SPEG: variants seen among roughly 807,000 people sequenced by gnomAD.
The protein encoded by SPEG is striated muscle preferentially expressed protein kinase.
SPEG carries 114 observed loss-of-function variants against 300.4 expected under a neutral mutation model. That is an observed-to-expected ratio of 0.38 (90% CI 0.33 to 0.44). The LOEUF is 0.44. SPEG is among the 20% of genes least tolerant of loss of function. The probability of loss-of-function intolerance (pLI) is 1.00; values close to 1 mark genes in which losing one functional copy is unlikely to be tolerated. For missense variants in SPEG, 4,201 were observed against 4,586.2 expected (o/e 0.92, Z 2.43); for synonymous variants, 1,964 against 2,018.9 (o/e 0.97, Z 0.73).
chr2:219,474,700 A>C (rs548270087), intron 18 of SPEG, among the ~76,000 whole-genome samples: 25 of 152,280 alleles, frequency 1.6e-4, no homozygotes, highest in Admixed American at 1.4e-3. Context: ...CCATGGGCAC[A>C]TCTTATCACC....
chr2:219,465,979 ATGTG>A lies in SPEG; in HGVS notation c.2882-1186_2882-1183del, dbSNP rs943030941. ...TGTGCGTGTGCATGCGTGTGTGTGC[ATGTG>A]TGTGTGTGCGCGTGCGTGCGCGTAT... On this transcript the variant is annotated intron_variant, in intron 9 of 40. Coordinates refer to ENST00000312358, the MANE Select transcript of SPEG (RefSeq NM_005876.5). 11 of 1,244,998 alleles carry A rather than the reference ATGTG, an allele frequency of 8.8e-6. No individual in the cohort carries two copies. In the African/African-American group the frequency reaches 1.5e-4, roughly 17 times the overall value. 77.1% of individuals were successfully genotyped at this position (1,244,998 alleles called of 1,614,324 possible). A position where few individuals can be genotyped will look rare whatever the true frequency, so the allele number is the denominator to read the frequency against.
In SPEG at chr2:219,485,000, G is replaced by A. The variant is rs1447657635; in HGVS notation, c.7537G>A (p.Ala2513Thr). The change falls in exon 30 of 41, where the codon GCC becomes ACC. Residue 2513 changes from alanine (A) to threonine (T), a missense_variant. By Grantham distance (58) the Ala-to-Thr change is moderately conservative. Coordinates refer to ENST00000312358, the MANE Select transcript of SPEG (RefSeq NM_005876.5). Reference sequence around the variant, plus strand: ...TGGCCTTCCGCACAACCAGTTGGCCGCCCAGGCCGGCGCCACCACGCCTTC... The same window carrying A: ...TGGCCTTCCGCACAACCAGTTGGCCACCCAGGCCGGCGCCACCACGCCTTC... ...RLGLPHNQLA[A>T]QAGATTPSAE... The A allele has an allele frequency of 5.2e-6, 8 of 1,531,194 alleles. No individual in the cohort carries two copies. The East Asian group carries it at 2.0e-4, about 38-fold the overall frequency. 94.9% of individuals were successfully genotyped at this position (1,531,194 alleles called of 1,614,324 possible). A position where few individuals can be genotyped will look rare whatever the true frequency, so the allele number is the denominator to read the frequency against.
At position 219,483,530 on chromosome 2, in the gene SPEG, G is replaced by T. The variant is rs770269062; in HGVS notation, c.6067G>T (p.Ala2023Ser). ...CTCGGCTGAGAGCGCCCTGCCCCGG[G>T]CCGGGCCGCGGGAGCTGGGCCGGGG... ...GSSAESALPRAGPRELGRGLH... is the reference protein window; with the variant it reads ...GSSAESALPRSGPRELGRGLH... Residue 2023 changes from alanine to serine, a missense_variant, in exon 30 of 41, where the codon GCC (alanine) becomes TCC (serine). Transcript: ENST00000312358. 6.4e-6 allele frequency: 9 copies of T among 1,406,170 alleles called. No homozygotes were observed. The South Asian group carries it at 1.1e-4, about 17-fold the overall frequency. The allele number at this position is 1,406,170 out of a possible 1,614,324, so 87.1% of individuals were successfully genotyped here.
intron 14 of SPEG, 89 bp downstream of exon 14, chr2:219,472,076 T>A: frequency 1.3e-6 from 2 of 1,550,682 alleles, no homozygotes; most frequent in Non-Finnish European, 1.7e-6. Context: ...TCCACCCAGC[T>A]CCCTTCCCCT....
chr2:219,448,420 C>CGGCGCCCCTGCGGCCCTG lies in SPEG; in HGVS notation c.1265_1282dup (p.Ala422_Trp427dup), dbSNP rs1473209135. The CGGCGCCCCTGCGGCCCTG allele has an allele frequency of 5.2e-6, 8 of 1,523,874 alleles. No homozygotes were observed. The highest frequency in any genetic ancestry group is 7.0e-6 in the Non-Finnish European group (8 of 1,141,662). The allele number at this position is 1,523,874 out of a possible 1,614,324, so 94.4% of individuals were successfully genotyped here. A position where few individuals can be genotyped will look rare whatever the true frequency, so the allele number is the denominator to read the frequency against. ...AGCCTGGAGCGCAGCGACTCGCCGC[C>CGGCGCCCCTGCGGCCCTG]GGCGCCCCTGCGGCCCTGGGTGCCC... On this transcript the variant is annotated inframe_insertion, in exon 4 of 41. Transcript: ENST00000312358.
In SPEG at chr2:219,476,934, T is replaced by G; in HGVS notation, c.4512T>G (p.Phe1504Leu). 6.2e-7 allele frequency: 1 copy of G among 1,612,788 alleles called. No homozygotes were observed. The highest frequency in any genetic ancestry group is 8.5e-7 in the Non-Finnish European group (1 of 1,179,570). Reference protein sequence around the residue: ...VEVGAGETARFAVVVEGKPLP... With the variant: ...VEVGAGETARLAVVVEGKPLP... ...TGGGGGCTGGGGAAACTGCTCGCTTTGCGGTGGTGGTCGAGGGAAAACCAC... is the reference window on the plus strand; with the variant it reads ...TGGGGGCTGGGGAAACTGCTCGCTTGGCGGTGGTGGTCGAGGGAAAACCAC... The change falls in exon 19 of 41, where the codon TTT becomes TTG. Residue 1504 changes from phenylalanine (F) to leucine (L), a missense_variant. Coordinates refer to ENST00000312358, the MANE Select transcript of SPEG (RefSeq NM_005876.5).
At position 219,484,679 on chromosome 2, in the gene SPEG, G is replaced by C. The variant is rs1369927493; in HGVS notation, c.7216G>C (p.Val2406Leu). ...CAGGGCTGTCGGAGAGCCTGGCCTC[G>C]TCCGCCGCCTCTCGCTGTCACTGTC... is the stretch of plus-strand genomic sequence containing the variant. ...DLRAVGEPGL[V>L]RRLSLSLSQR... Residue 2406 changes from valine to leucine, a missense_variant, in exon 30 of 41, where the codon GTC (valine) becomes CTC (leucine). Physicochemically the swap from Val to Leu is conservative, Grantham distance 32. Coordinates refer to ENST00000312358, the MANE Select transcript of SPEG (RefSeq NM_005876.5). 6.6e-7 allele frequency: 1 copy of C among 1,519,772 alleles called. No homozygotes were observed. Among genetic ancestry groups the C allele is most frequent in the Non-Finnish European group, 8.8e-7 (1 of 1,141,856 alleles). 94.1% of individuals were successfully genotyped at this position (1,519,772 alleles called of 1,614,324 possible).
rs941784950 is a variant in SPEG at position 219,451,903 on chromosome 2, G to A, written c.2440+96G>A. The A allele has an allele frequency of 8.5e-6, 11 of 1,297,484 alleles. No homozygotes were observed. The African/African-American group carries it at 1.5e-4, about 18-fold the overall frequency. 80.4% of individuals were successfully genotyped at this position (1,297,484 alleles called of 1,614,324 possible). ...CACCTCCCTTCCCACTCTCAGCCTT[G>A]AGCTTGGGCACCCCGCCAGCATACT... On this transcript the variant is annotated intron_variant, in intron 6 of 40. Transcript: ENST00000312358. This position sits in a 1 kb window ranked among gnomAD's most constrained non-coding sequence, Gnocchi z 6.4.
At position 219,488,875 on chromosome 2, in the gene SPEG, G is replaced by A. The variant is rs374304716; in HGVS notation, c.8124G>A (p.Thr2708=). 4.2e-5 allele frequency: 66 copies of A among 1,586,096 alleles called. No individual in the cohort carries two copies. In the Middle Eastern group the frequency reaches 1.2e-3, roughly 29 times the overall value. Residue 2708 remains threonine, a synonymous_variant, in exon 34 of 41, where the codon ACG becomes ACA. Transcript: ENST00000312358. ...WKPGDSRAPC[T]YTLERRVDGE... Reference sequence around the variant, plus strand: ...CGGGAGACAGCCGGGCACCTTGCACGTATACGCTGGAGCGGCGAGTGGATG... The same window carrying A: ...CGGGAGACAGCCGGGCACCTTGCACATATACGCTGGAGCGGCGAGTGGATG...
Position 219,479,171 on chromosome 2 carries a change from C to T in SPEG, c.5055C>T (p.Ile1685=), listed in dbSNP as rs151167400. The change falls in exon 23 of 41, where the codon ATC becomes ATT. Residue 1685 remains isoleucine, a synonymous_variant. Transcript: ENST00000312358. The surrounding 1 kb of genome is among the most constrained non-coding windows in gnomAD (Gnocchi z 5.5). The stretch of plus-strand genomic sequence containing the variant: ...GCACAGAGGAGCTGCTGGAGCGAAT[C>T]GCCAGGAAACCCACCGTGTGTGAGT... The part of the protein sequence containing the change: ...ELCTEELLER[I]ARKPTVCESE... 563 of 1,613,626 alleles carry T rather than the reference C, an allele frequency of 3.5e-4. No homozygotes were observed. Among genetic ancestry groups the T allele is most frequent in the Middle Eastern group, 4.9e-4 (3 of 6,062 alleles).
Position 219,451,811 on chromosome 2 carries a change from G to A in SPEG, c.2440+4G>A, listed in dbSNP as rs1307494948. 6.5e-7 allele frequency: 1 copy of A among 1,532,226 alleles called. No homozygotes were observed. The highest frequency in any genetic ancestry group is 1.2e-5 in the South Asian group (1 of 81,434). 94.9% of individuals were successfully genotyped at this position (1,532,226 alleles called of 1,614,324 possible). A position where few individuals can be genotyped will look rare whatever the true frequency, so the allele number is the denominator to read the frequency against. Reference sequence around the variant, plus strand: ...GCCTCACTGACCGTGAGACCCGGTAGGGAGCCCATCAACCCTGGGGCTGGG... The same window carrying A: ...GCCTCACTGACCGTGAGACCCGGTAAGGAGCCCATCAACCCTGGGGCTGGG... On this transcript the variant is annotated splice_donor_region_variant and intron_variant, in intron 6 of 40. Transcript: ENST00000312358. The surrounding 1 kb of genome is among the most constrained non-coding windows in gnomAD (Gnocchi z 6.4).
chr2:219,479,925 T>C lies in SPEG; in HGVS notation c.5164-37T>C. ...CCAGGAGGTGAAGCATCCTTCCTTG[T>C]TCATTTGGCCCGCACACCTCGCCTT... On this transcript the variant is annotated intron_variant, in intron 24 of 40. Transcript: ENST00000312358. The surrounding 1 kb of genome is among the most constrained non-coding windows in gnomAD (Gnocchi z 5.5). The C allele has an allele frequency of 6.2e-7, 1 of 1,614,100 alleles. No individual in the cohort carries two copies. The highest frequency in any genetic ancestry group is 8.5e-7 in the Non-Finnish European group (1 of 1,179,988).
At position 219,478,109 on chromosome 2, in the gene SPEG, T is replaced by G; in HGVS notation, c.5027+4T>G. On this transcript the variant is annotated splice_donor_region_variant and intron_variant, in intron 22 of 40. Coordinates refer to ENST00000312358, the MANE Select transcript of SPEG (RefSeq NM_005876.5). ...GACTGGTCATTGTCACCGAGCTGTA[T>G]CCTGGGACAGGCTGGGGGCTAGGGG... 1 of 1,612,540 alleles carries G rather than the reference T, an allele frequency of 6.2e-7. No individual in the cohort carries two copies. Among genetic ancestry groups the G allele is most frequent in the Non-Finnish European group, 8.5e-7 (1 of 1,178,696 alleles).
intron 15 of SPEG, 60 bp from the exon 16 acceptor site, chr2:219,472,830 T>C: frequency 6.9e-7 from 1 of 1,444,462 alleles, no homozygotes; most frequent in Non-Finnish European, 9.4e-7. Flanking sequence ...CCGGGCCAGC[T>C]GGATGGGGAG....
At position 219,462,076 on chromosome 2, in the gene SPEG, G is replaced by A. The variant is rs1205766712; in HGVS notation, c.2616+19G>A. The A allele has an allele frequency of 6.3e-7, 1 of 1,577,812 alleles. No individual in the cohort carries two copies. Among genetic ancestry groups the A allele is most frequent in the African/African-American group, 1.4e-5 (1 of 72,878 alleles). On this transcript the variant is annotated intron_variant, in intron 7 of 40. Coordinates refer to ENST00000312358, the MANE Select transcript of SPEG (RefSeq NM_005876.5). ...CTTCAAGGTCAGACCCCTGAGGCTG[G>A]GGCCTAGCCTCCTGTGTGCCCCCGT...
At chr2:219,491,028 A>G in intron 38 of SPEG, 72 bp downstream of exon 38, 5 of 1,164,408 alleles carry the variant, frequency 4.3e-6, no homozygotes, top group Non-Finnish European at 6.2e-6. Context: ...GGCTCACCCC[A>G]CTTCACTTAC....
intron 36 of SPEG, 92 bp from the exon 37 acceptor site, chr2:219,490,316 CT>C (rs1693844892): frequency 6.6e-7 from 1 of 1,506,972 alleles, no homozygotes; most frequent in Non-Finnish European, 8.9e-7. Context: ...ATTCTTGCCC[CT>C]AGGGGTCCCT....
At chr2:219,457,577 G>C (rs1168183020) in intron 6 of SPEG, among the ~76,000 whole-genome samples, 3 of 152,214 alleles carry the variant, frequency 2.0e-5, no homozygotes, top group Non-Finnish European at 2.9e-5. Context: ...GACTGAGACT[G>C]TCTCAAAACA....
chr2:219,446,662 C>T (rs1689314672), intron 3 of SPEG, among the ~76,000 whole-genome samples: 1 of 152,152 alleles, frequency 6.6e-6, no homozygotes, highest in Non-Finnish European at 1.5e-5. Context: ...CTTCTGTGCC[C>T]CTGGAAACCC....
Sources: allele counts gnomAD v4.1 joint callset (sites outside exome capture counted in the v4.1 genomes callset), GRCh38; gene constraint gnomAD v4.1.1; non-coding constraint Gnocchi (gnomAD v3.1); transcripts MANE v1.5; gene names NCBI Gene and HGNC (gene_info 2026-07-23, HGNC 2026-07-21).